The following PLD1 variants were observed in gnomAD, a reference collection of about 807,000 sequenced individuals.
PLD1 encodes choline phosphatase 1.
PLD1 carries 112 observed loss-of-function variants against 137.1 expected under a neutral mutation model. The ratio of observed to expected loss-of-function variants is 0.82; its 90% confidence interval spans 0.70 to 0.96. The LOEUF is 0.96. Ranked by LOEUF, PLD1 falls within the 40% of genes least tolerant of loss-of-function variation. The pLI is 0.00. For synonymous variants in PLD1, 431 were observed against 454.7 expected (o/e 0.95, Z 0.66); for missense variants, 1,321 against 1,342.0 (o/e 0.98, Z 0.24).
intron 11 of PLD1, among the ~76,000 whole-genome samples, chr3:171,701,279 C>T (rs1169996416): frequency 6.6e-6 from 1 of 152,136 alleles, no homozygotes; most frequent in African/African-American, 2.4e-5. Context: ...TATGTCCAAA[C>T]AAGCAAACAA....
intron 25 of PLD1, among the ~76,000 whole-genome samples, chr3:171,609,348 A>G (rs1027883856): frequency 7.9e-5 from 12 of 152,186 alleles, no homozygotes; most frequent in African/African-American, 2.9e-4. Context: ...AAAGAGCTAA[A>G]TATAGAACTA....
chr3:171,806,573 G>A (rs758183220), intron 1 of PLD1, among the ~76,000 whole-genome samples: 20 of 152,232 alleles, frequency 1.3e-4, no homozygotes, highest in Admixed American at 5.9e-4. Context: ...ACCTTGCAGA[G>A]CTACAGCTTT....
At chr3:171,710,139 T>C (rs1028363705) in intron 9 of PLD1, among the ~76,000 whole-genome samples, 3 of 152,120 alleles carry the variant, frequency 2.0e-5, no homozygotes, top group Non-Finnish European at 2.9e-5. Context: ...CTAGGCTCAC[T>C]GCAAGCTCCA....
chr3:171,620,647 G>A, intron 23 of PLD1, 127 bp from the exon 24 acceptor site: 4 of 400,636 alleles, frequency 1.0e-5, no homozygotes, highest in Non-Finnish European at 1.7e-5. Context: ...ATATGTATAT[G>A]TTTTCTATTT....
chr3:171,708,774 T>C lies in PLD1; in HGVS notation c.1126A>G (p.Ile376Val), dbSNP rs550220177. 3 of 1,597,336 alleles carry C rather than the reference T, an allele frequency of 1.9e-6. No individual in the cohort carries two copies. The highest frequency in any genetic ancestry group is 3.3e-5 in the Admixed American group (2 of 59,984). The change falls in exon 11 of 27, where the codon ATT becomes GTT. Residue 376 changes from isoleucine to valine, a missense_variant. Coordinates refer to ENST00000351298, the MANE Select transcript of PLD1 (RefSeq NM_002662.5). ...ACTAACCACCAGTCTGTGATAAAAA[T>C]CTCTTCATTTGCCTCTTCCATTGCA... The part of the protein sequence containing the change: ...ANAMEEANEE[I>V]FITDWWLSPE...
intron 11 of PLD1, among the ~76,000 whole-genome samples, chr3:171,705,596 A>C (rs1261919658): frequency 6.6e-6 from 1 of 152,254 alleles, no homozygotes; most frequent in Non-Finnish European, 1.5e-5. Context: ...CAATGTCCAA[A>C]TAGCACATGA....
intron 19 of PLD1, among the ~76,000 whole-genome samples, chr3:171,672,927 T>C (rs1712940840): frequency 6.6e-6 from 1 of 152,248 alleles, no homozygotes; most frequent in Non-Finnish European, 1.5e-5. Context: ...GGAAAATATA[T>C]GCATATGCAA....
chr3:171,632,640 G>C (rs1162468005), intron 23 of PLD1, among the ~76,000 whole-genome samples: 1 of 152,102 alleles, frequency 6.6e-6, no homozygotes, highest in African/African-American at 2.4e-5. Context: ...TCTATTGAGA[G>C]AGAATGATAA....
Position 171,661,969 on chromosome 3 carries a change from T to C in PLD1, c.2340+91A>G, listed in dbSNP as rs1182786960. On this transcript the variant is annotated intron_variant, in intron 20 of 26. Coordinates refer to ENST00000351298, the MANE Select transcript of PLD1 (RefSeq NM_002662.5). ...ACGCCTCAAAATATACTTATTAATA[T>C]GAGGGGTCCTAAGTTTGGGGACCCT... 4 of 654,184 alleles carry C rather than the reference T, an allele frequency of 6.1e-6. No homozygotes were observed. The East Asian group carries it at 1.0e-4, about 17-fold the overall frequency. 40.5% of individuals were successfully genotyped at this position (654,184 alleles called of 1,614,324 possible). A position where few individuals can be genotyped will look rare whatever the true frequency, so the allele number is the denominator to read the frequency against.
intron 16 of PLD1, 108 bp downstream of exon 16, chr3:171,686,577 A>G (rs1354542721): frequency 1.9e-5 from 13 of 666,954 alleles, no homozygotes; most frequent in Non-Finnish European, 3.0e-5. Context: ...TAGCATAAAA[A>G]TTGCAAACAG....
chr3:171,782,160 T>C (rs1159186442), intron 1 of PLD1, among the ~76,000 whole-genome samples: 1 of 152,224 alleles, frequency 6.6e-6, no homozygotes, highest in Admixed American at 6.5e-5. Flanking sequence ...TGATTCAATT[T>C]TGTTAATCTT....
intron 1 of PLD1, among the ~76,000 whole-genome samples, chr3:171,786,369 T>C (rs1036551810): frequency 3.3e-5 from 5 of 152,224 alleles, no homozygotes; most frequent in African/African-American, 1.2e-4. Context: ...CCAGTAAGAT[T>C]GTCTTTCTAA....
intron 23 of PLD1, among the ~76,000 whole-genome samples, chr3:171,637,962 C>T (rs185492493): frequency 3.6e-4 from 55 of 151,970 alleles, no homozygotes; most frequent in African/African-American, 1.0e-3. Context: ...GGGTGGATCA[C>T]GAGGTCAGGA....
chr3:171,706,261 C>T (rs998994003), intron 11 of PLD1, among the ~76,000 whole-genome samples: 1 of 147,100 alleles, frequency 6.8e-6, no homozygotes, highest in African/African-American at 2.5e-5. Flanking sequence ...TATCCTATGC[C>T]ATTCTTTTTT....
intron 1 of PLD1, among the ~76,000 whole-genome samples, chr3:171,785,589 C>A (rs1722982733): frequency 6.6e-6 from 1 of 152,140 alleles, no homozygotes; most frequent in South Asian, 2.1e-4. Context: ...CAGGCACGTG[C>A]CACCACGGCA....
At chr3:171,764,930 A>AAAGGAAGGAAGGAAGG (rs1721818814) in intron 1 of PLD1, among the ~76,000 whole-genome samples, 2 of 27,560 alleles carry the variant, frequency 7.3e-5, no homozygotes, top group Non-Finnish European at 1.5e-4. Flanking sequence ...GAAAGGAAAG[A>AAAGGAAGGAAGGAAGG]AAGGAAAGAA....
At chr3:171,723,590 C>A (rs1718296543) in intron 8 of PLD1, among the ~76,000 whole-genome samples, 3 of 152,158 alleles carry the variant, frequency 2.0e-5, no homozygotes, top group Admixed American at 6.5e-5. Context: ...TTCCCATCAA[C>A]AGTGTATGAG....
chr3:171,713,864 A>G (rs763928074), intron 9 of PLD1, 29 bp downstream of exon 9: 20 of 1,574,716 alleles, frequency 1.3e-5, no homozygotes, highest in Non-Finnish European at 1.7e-5. Flanking sequence ...TTTTTGTAGA[A>G]ATCTTTTTTA....
chr3:171,729,264 A>C (rs1718757023), intron 6 of PLD1, among the ~76,000 whole-genome samples: 1 of 152,216 alleles, frequency 6.6e-6, no homozygotes, highest in African/African-American at 2.4e-5. Context: ...CAATTGAAAT[A>C]ATGTTGCAAT....
Sources: allele counts gnomAD v4.1 joint callset (sites outside exome capture counted in the v4.1 genomes callset), GRCh38; gene constraint gnomAD v4.1.1; transcripts MANE v1.5; gene names NCBI Gene and HGNC (gene_info 2026-07-23, HGNC 2026-07-21).